Variants in NFIA observed in about 807,000 individuals in gnomAD.
The protein encoded by NFIA is nuclear factor 1 A-type.
A neutral mutation model predicts 62.8 loss-of-function variants in NFIA; 8 were observed. The observed-to-expected ratio is 0.13, with a 90% CI of 0.07 to 0.23. The LOEUF is 0.23. Ranked by LOEUF, NFIA falls within the 10% of genes least tolerant of loss-of-function variation. NFIA has a pLI of 1.00. For missense variants in NFIA, 410 were observed against 642.1 expected, an observed-to-expected ratio of 0.64 and a Z score of 3.91; for synonymous variants, 235 against 238.1, an observed-to-expected ratio of 0.99 and a Z score of 0.12.
At chr1:61,332,657 T>A in intron 4 of NFIA, 71 bp downstream of exon 4, 2 of 1,297,164 alleles carry the variant, frequency 1.5e-6, no homozygotes, top group African/African-American at 1.5e-5. Context: ...CTAGGACTCC[T>A]AGAGACCAAA....
chr1:61,349,428 A>T (rs1015366468), intron 4 of NFIA, among the ~76,000 whole-genome samples: 2 of 152,188 alleles, frequency 1.3e-5, no homozygotes, highest in African/African-American at 2.4e-5. Context: ...TTATTTCCTC[A>T]TACCGTCCCT....
intron 2 of NFIA, among the ~76,000 whole-genome samples, chr1:61,238,838 A>C (rs191512343): frequency 1.8e-4 from 28 of 152,234 alleles, no homozygotes; most frequent in African/African-American, 6.5e-4. Context: ...TGTGTCAGGG[A>C]AAGTTTGATA....
chr1:61,194,460 A>G (rs1467848461), intron 2 of NFIA, among the ~76,000 whole-genome samples: 1 of 152,152 alleles, frequency 6.6e-6, no homozygotes, highest in Non-Finnish European at 1.5e-5. Context: ...ATCTTTTTGC[A>G]GTTGGAACGT....
At chr1:61,275,582 G>A (rs941877207) in intron 2 of NFIA, among the ~76,000 whole-genome samples, 1 of 152,118 alleles carries the variant, frequency 6.6e-6, no homozygotes, top group Non-Finnish European at 1.5e-5. Context: ...ATGTTTGCTA[G>A]TATTATTCCA....
chr1:61,212,631 T>C (rs1201319962), intron 2 of NFIA, among the ~76,000 whole-genome samples: 4 of 152,214 alleles, frequency 2.6e-5, no homozygotes, highest in Non-Finnish European at 5.9e-5. Context: ...ATTTTATACA[T>C]TGCAGTTGTC....
intron 10 of NFIA, among the ~76,000 whole-genome samples, chr1:61,445,372 T>C (rs1667762552): frequency 6.6e-6 from 1 of 152,174 alleles, no homozygotes; most frequent in African/African-American, 2.4e-5. Flanking sequence ...TTGGGAGGAA[T>C]CTAATTGTTT....
intron 2 of NFIA, among the ~76,000 whole-genome samples, chr1:61,267,760 T>G (rs1657262520): frequency 6.6e-6 from 1 of 152,174 alleles, no homozygotes; most frequent in Non-Finnish European, 1.5e-5. Context: ...CAACAACTTG[T>G]TGCTCTACCC....
intron 2 of NFIA, among the ~76,000 whole-genome samples, chr1:61,239,777 T>C (rs1189603930): frequency 6.6e-6 from 1 of 152,140 alleles, no homozygotes; most frequent in African/African-American, 2.4e-5. Flanking sequence ...ACACTAGAAT[T>C]GGGTGTCTTT....
chr1:61,211,684 G>A (rs1292754569), intron 2 of NFIA, among the ~76,000 whole-genome samples: 3 of 152,076 alleles, frequency 2.0e-5, no homozygotes, highest in Non-Finnish European at 2.9e-5. Context: ...GTAGAGAAGG[G>A]TGCTATTTTT....
chr1:61,338,360 G>T (rs1215960613), intron 4 of NFIA, among the ~76,000 whole-genome samples: 3 of 152,228 alleles, frequency 2.0e-5, no homozygotes, highest in Admixed American at 2.0e-4. Flanking sequence ...GGGAGTGAAT[G>T]GAACCAGGCA....
chr1:61,255,448 TTACTTTC>T (rs1656322140), intron 2 of NFIA, among the ~76,000 whole-genome samples: 1 of 152,232 alleles, frequency 6.6e-6, no homozygotes, highest in African/African-American at 2.4e-5. Flanking sequence ...GCATTATGCG[TTACTTTC>T]TCCTGACCTT....
At chr1:61,295,673 G>A (rs889069474) in intron 3 of NFIA, among the ~76,000 whole-genome samples, 2 of 152,152 alleles carry the variant, frequency 1.3e-5, no homozygotes, top group African/African-American at 2.4e-5. Context: ...CTGACCTCCC[G>A]TGCCTCAGTT....
chr1:61,207,312 TAGACC>T (rs1304406377), intron 2 of NFIA, among the ~76,000 whole-genome samples: 2 of 152,230 alleles, frequency 1.3e-5, no homozygotes, highest in African/African-American at 4.8e-5. Flanking sequence ...TCATAAACAA[TAGACC>T]CATTTCACAT....
intron 4 of NFIA, among the ~76,000 whole-genome samples, chr1:61,337,946 A>G (rs1005775948): frequency 6.6e-6 from 1 of 152,156 alleles, no homozygotes; most frequent in Non-Finnish European, 1.5e-5. Context: ...TGCTGACTCT[A>G]TTTTACTTGA....
intron 2 of NFIA, among the ~76,000 whole-genome samples, chr1:61,236,695 C>T (rs947442934): frequency 7.9e-5 from 12 of 151,562 alleles, no homozygotes; most frequent in African/African-American, 2.9e-4. Flanking sequence ...CTTTCTTTTC[C>T]TTATTGTCTA....
At chr1:61,211,532 TG>T (rs1217959631) in intron 2 of NFIA, among the ~76,000 whole-genome samples, 3 of 152,204 alleles carry the variant, frequency 2.0e-5, no homozygotes, top group Non-Finnish European at 4.4e-5. Context: ...TTTTTATCAT[TG>T]CCGTTTTATA....
intron 2 of NFIA, among the ~76,000 whole-genome samples, chr1:61,101,975 A>T (rs529532455): frequency 2.0e-5 from 3 of 152,336 alleles, no homozygotes; most frequent in African/African-American, 7.2e-5. Flanking sequence ...ATTTGTTGTT[A>T]TTCTCTGTTA....
At chr1:61,077,420 A>G (rs938780146), upstream of NFIA, 1 of 412,408 alleles carries the variant, frequency 2.4e-6, no homozygotes, top group Non-Finnish European at 4.3e-6. Context: ...GCGCCTTGCA[A>G]TTGCAAAAGC....
intron 10 of NFIA, among the ~76,000 whole-genome samples, chr1:61,434,084 G>C (rs960190389): frequency 6.6e-6 from 1 of 152,186 alleles, no homozygotes; most frequent in Non-Finnish European, 1.5e-5. Flanking sequence ...CCCTTGTACA[G>C]GCAGCAGTCT....
Sources: allele counts gnomAD v4.1 joint callset (sites outside exome capture counted in the v4.1 genomes callset), GRCh38; gene constraint gnomAD v4.1.1; transcripts MANE v1.5; gene names NCBI Gene and HGNC (gene_info 2026-07-23, HGNC 2026-07-21).